The following BRMS1L variants were observed in gnomAD, a reference collection of about 807,000 sequenced individuals.
The protein encoded by BRMS1L is breast cancer metastasis-suppressor 1-like protein.
Under a neutral mutation model 50.3 loss-of-function variants are expected in BRMS1L, and 23 were observed. The ratio of observed to expected loss-of-function variants is 0.46; its 90% confidence interval spans 0.33 to 0.65. The LOEUF is 0.65. Ranked by LOEUF, BRMS1L falls within the 30% of genes least tolerant of loss-of-function variation. The pLI is 0.02. For synonymous variants in BRMS1L, 114 were observed against 126.9 expected (o/e 0.90, Z 0.69); for missense variants, 286 against 386.1 (o/e 0.74, Z 2.17).
At chr14:35,844,777 T>C (rs1369782541) in intron 4 of BRMS1L, among the ~76,000 whole-genome samples, 1 of 152,178 alleles carries the variant, frequency 6.6e-6, no homozygotes, top group Non-Finnish European at 1.5e-5. Context: ...ACCCCATCAC[T>C]AAAAAAATTA....
chr14:35,861,061 T>C (rs2078344848), intron 4 of BRMS1L, among the ~76,000 whole-genome samples: 2 of 152,148 alleles, frequency 1.3e-5, no homozygotes, highest in Non-Finnish European at 2.9e-5. Flanking sequence ...GGGGAGGTTT[T>C]TGAGTGTCTT....
At chr14:35,830,464 C>T (rs1030527530) in intron 1 of BRMS1L, among the ~76,000 whole-genome samples, 2 of 152,068 alleles carry the variant, frequency 1.3e-5, no homozygotes, top group Admixed American at 6.6e-5. Context: ...TTCAAACGAT[C>T]CTCCCACTTC....
At chr14:35,857,129 T>G (rs1373153193) in intron 4 of BRMS1L, among the ~76,000 whole-genome samples, 1 of 151,572 alleles carries the variant, frequency 6.6e-6, no homozygotes. Context: ...TAATCCCAGC[T>G]ACTTGGGAGG....
chr14:35,834,451 G>A (rs540703469), intron 3 of BRMS1L, among the ~76,000 whole-genome samples: 2 of 152,246 alleles, frequency 1.3e-5, no homozygotes, highest in African/African-American at 4.8e-5. Flanking sequence ...ATAGTATCTA[G>A]CTGTTACTCT....
At chr14:35,870,290 A>G in intron 9 of BRMS1L, 70 bp from the exon 10 acceptor site, 1 of 959,246 alleles carries the variant, frequency 1.0e-6, no homozygotes, top group Non-Finnish European at 1.6e-6. Context: ...GGTTTTATAT[A>G]GGTAATAATC....
At chr14:35,841,798 T>C (rs1379383213) in intron 4 of BRMS1L, among the ~76,000 whole-genome samples, 3 of 152,172 alleles carry the variant, frequency 2.0e-5, no homozygotes, top group Non-Finnish European at 4.4e-5. Context: ...TCACTATTAC[T>C]GTGTGGGAGT....
intron 8 of BRMS1L, 189 bp from the exon 9 acceptor site, chr14:35,867,717 A>C: frequency 7.7e-6 from 3 of 391,338 alleles, no homozygotes; most frequent in Non-Finnish European, 8.5e-6. Context: ...AGTTATATTA[A>C]AAACTTAGTG....
intron 5 of BRMS1L, 134 bp downstream of exon 5, chr14:35,862,820 G>T (rs941683930): frequency 1.4e-5 from 6 of 417,620 alleles, no homozygotes; most frequent in Non-Finnish European, 2.5e-5. Flanking sequence ...AAAAGGGGAA[G>T]AACTCTAAAG....
chr14:35,836,811 G>A (rs2078000229), intron 4 of BRMS1L, among the ~76,000 whole-genome samples: 2 of 152,100 alleles, frequency 1.3e-5, no homozygotes, highest in Non-Finnish European at 2.9e-5. Context: ...CACTTTAGGA[G>A]GCCGAGGCGG....
At chr14:35,853,038 C>T (rs566884514) in intron 4 of BRMS1L, among the ~76,000 whole-genome samples, 224 of 147,098 alleles carry the variant, frequency 1.5e-3, no homozygotes, top group African/African-American at 5.2e-3. Flanking sequence ...AGAGACTTAT[C>T]ATACTCACAC....
intron 4 of BRMS1L, among the ~76,000 whole-genome samples, chr14:35,838,786 A>G (rs2078025234): frequency 6.6e-6 from 1 of 151,944 alleles, no homozygotes; most frequent in Non-Finnish European, 1.5e-5. Context: ...TGTCAGATGG[A>G]TAGATTGCAA....
chr14:35,843,412 T>C (rs1357626100), intron 4 of BRMS1L, among the ~76,000 whole-genome samples: 1 of 152,214 alleles, frequency 6.6e-6, no homozygotes, highest in African/African-American at 2.4e-5. Flanking sequence ...TTCTGTTCGT[T>C]AGTTTTCCTT....
intron 4 of BRMS1L, among the ~76,000 whole-genome samples, chr14:35,845,480 C>T (rs970523394): frequency 2.0e-5 from 3 of 152,172 alleles, no homozygotes; most frequent in African/African-American, 7.2e-5. Context: ...GTTTTATTCT[C>T]ATGATCTATT....
chr14:35,858,986 G>C (rs1026391973), intron 4 of BRMS1L, among the ~76,000 whole-genome samples: 8 of 150,286 alleles, frequency 5.3e-5, no homozygotes, highest in African/African-American at 2.0e-4. Context: ...TAGTCACCCA[G>C]GCTGGAGTGC....
At chr14:35,831,868 C>G (rs1324467667) in intron 2 of BRMS1L, among the ~76,000 whole-genome samples, 1 of 152,002 alleles carries the variant, frequency 6.6e-6, no homozygotes, top group East Asian at 1.9e-4. Flanking sequence ...TGCAAGTGAG[C>G]TGTGCTCGTG....
At chr14:35,834,744 A>T in intron 3 of BRMS1L, 100 bp from the exon 4 acceptor site, 1 of 745,444 alleles carries the variant, frequency 1.3e-6, no homozygotes, top group Non-Finnish European at 1.9e-6. Context: ...TTTTTTCTTG[A>T]TCCATCTTAT....
chr14:35,841,254 T>TTAC (rs1285020093), intron 4 of BRMS1L, among the ~76,000 whole-genome samples: 1 of 152,090 alleles, frequency 6.6e-6, no homozygotes, highest in African/African-American at 2.4e-5. Context: ...GAGGAGTGTT[T>TTAC]TACTTCCAAT....
chr14:35,842,943 A>C (rs1250482916), intron 4 of BRMS1L, among the ~76,000 whole-genome samples: 3 of 152,104 alleles, frequency 2.0e-5, no homozygotes, highest in African/African-American at 7.2e-5. Flanking sequence ...TCAATCTCTG[A>C]TATCCTTTCT....
At chr14:35,855,615 TA>T (rs2078270197) in intron 4 of BRMS1L, among the ~76,000 whole-genome samples, 1 of 152,192 alleles carries the variant, frequency 6.6e-6, no homozygotes, top group African/African-American at 2.4e-5. Flanking sequence ...TTTCTTCTAT[TA>T]ATAGTTTAGT....
Sources: gnomAD v4.1 joint callset for allele counts (sites outside exome capture counted in the v4.1 genomes callset) on GRCh38, gnomAD v4.1.1 for gene constraint, MANE v1.5 for transcripts, NCBI Gene and HGNC (gene_info 2026-07-23, HGNC 2026-07-21) for gene names.